The following CCDC77 variants were observed in gnomAD, a reference collection of about 807,000 sequenced individuals.
CCDC77 encodes coiled-coil domain-containing protein 77.
In CCDC77, 56 loss-of-function variants were observed where a neutral mutation model predicts 66.8. The observed-to-expected ratio is 0.84, with a 90% confidence interval of 0.68 to 1.05. The LOEUF is 1.05. CCDC77 is among the 50% of genes least tolerant of loss of function. The pLI is 0.00. For missense variants in CCDC77, 570 were observed against 576.8 expected, an observed-to-expected ratio of 0.99 and a Z score of 0.12; for synonymous variants, 196 against 195.2, an observed-to-expected ratio of 1.00 and a Z score of -0.03.
At chr12:416,258 A>C (rs1257778547) in intron 4 of CCDC77, among the ~76,000 whole-genome samples, 1 of 147,506 alleles carries the variant, frequency 6.8e-6, no homozygotes, top group Non-Finnish European at 1.5e-5. Context: ...AATTATTTTT[A>C]ATGACCTTGC....
intron 1 of CCDC77, among the ~76,000 whole-genome samples, chr12:405,169 G>T (rs1312853532): frequency 6.6e-6 from 1 of 152,224 alleles, no homozygotes; most frequent in African/African-American, 2.4e-5. Flanking sequence ...AAAACATTAT[G>T]CTAAGTGAAA....
At chr12:429,974 T>C (rs1565575134) in intron 6 of CCDC77, among the ~76,000 whole-genome samples, 1 of 152,006 alleles carries the variant, frequency 6.6e-6, no homozygotes, top group African/African-American at 2.4e-5. Context: ...AGCCCTGCAA[T>C]TTTGTTTATT....
chr12:437,936 A>T (rs1241431351), intron 9 of CCDC77, among the ~76,000 whole-genome samples: 1 of 152,210 alleles, frequency 6.6e-6, no homozygotes, highest in Non-Finnish European at 1.5e-5. Context: ...GCATACACAA[A>T]AGCAAAGCTG....
intron 3 of CCDC77, among the ~76,000 whole-genome samples, chr12:410,793 G>A (rs186442403): frequency 7.8e-4 from 118 of 151,644 alleles, no homozygotes; most frequent in Non-Finnish European, 1.4e-3. Flanking sequence ...TAATTTGCCC[G>A]CCTTGGCCTC....
chr12:403,151 A>G (rs948077689), intron 1 of CCDC77, among the ~76,000 whole-genome samples: 1 of 152,230 alleles, frequency 6.6e-6, no homozygotes, highest in Non-Finnish European at 1.5e-5. Flanking sequence ...ACTGTATGCC[A>G]TGTAGTGTTT....
At chr12:400,804 T>C (rs1283364451), upstream of CCDC77, among the ~76,000 whole-genome samples, 2 of 152,178 alleles carry the variant, frequency 1.3e-5, no homozygotes, top group East Asian at 3.8e-4. Context: ...CAGAGACACA[T>C]AGTAAGCCTG....
At chr12:393,824 G>A (rs117576673) in intron 1 of CCDC77, among the ~76,000 whole-genome samples, 1,649 of 152,228 alleles carry the variant, frequency 0.011, 15 homozygotes, top group Middle Eastern at 0.031. Context: ...GAGCCACTGC[G>A]TCCAGCCAAT....
chr12:422,685 A>T (rs552297150), intron 5 of CCDC77, among the ~76,000 whole-genome samples: 6 of 152,354 alleles, frequency 3.9e-5, no homozygotes, highest in African/African-American at 1.2e-4. Flanking sequence ...AGCTCAGCTC[A>T]CTGTAACCTC....
chr12:398,160 G>C (rs1453155859), upstream of CCDC77, among the ~76,000 whole-genome samples: 2 of 152,098 alleles, frequency 1.3e-5, no homozygotes, highest in Non-Finnish European at 2.9e-5. Flanking sequence ...TTCCTTTCAT[G>C]AAAGATTTCT....
intron 4 of CCDC77, 113 bp from the exon 5 acceptor site, chr12:418,381 C>A (rs1383996669): frequency 1.1e-5 from 12 of 1,090,476 alleles, no homozygotes; most frequent in South Asian, 3.0e-5. Context: ...TCTGTATTGG[C>A]AAAATTATTT....
rs760089922 is a variant in CCDC77, at chr12:418,554, C to CTT, written c.332_333insTT (p.Ser112Ter). 6.2e-7 allele frequency: 1 copy of CTT among 1,613,916 alleles called. No individual in the cohort carries two copies. The highest frequency in any genetic ancestry group is 8.5e-7 in the Non-Finnish European group (1 of 1,179,822). ...AGAGATTGCTGAATTGCAGAAAGCT[C>CTT]TAAGTGATATGCAGGTCTGCCTCTT... On this transcript the variant is annotated frameshift_variant, in exon 5 of 13. Transcript: ENST00000239830. LOFTEE classifies it high-confidence loss of function.
At chr12:405,313 GT>G (rs936488167) in intron 1 of CCDC77, among the ~76,000 whole-genome samples, 197 bp from the exon 2 acceptor site, 1 of 152,152 alleles carries the variant, frequency 6.6e-6, no homozygotes, top group Non-Finnish European at 1.5e-5. Flanking sequence ...AGGACACAGG[GT>G]TTTTTTCTTG....
At chr12:441,708 A>G in intron 12 of CCDC77, 66 bp from the exon 13 acceptor site, 1 of 1,539,778 alleles carries the variant, frequency 6.5e-7, no homozygotes, top group Non-Finnish European at 8.8e-7. Flanking sequence ...TGTCTTTTTG[A>G]CTGATATCGC....
chr12:433,209 C>A lies in CCDC77; in HGVS notation c.708C>A (p.Thr236=). The change falls in exon 9 of 13, where the codon ACC becomes ACA. Residue 236 remains threonine, a synonymous_variant. Coordinates refer to ENST00000239830, the MANE Select transcript of CCDC77 (RefSeq NM_032358.4). ...EALQAQLGEQ[T]KLSREQIEGL... Reference sequence around the variant, plus strand: ...TGCAGGCTCAGCTGGGAGAGCAGACCAAACTTTCTCGAGAACAAATTGAAG... The same window carrying A: ...TGCAGGCTCAGCTGGGAGAGCAGACAAAACTTTCTCGAGAACAAATTGAAG... The A allele has an allele frequency of 6.2e-7, 1 of 1,613,854 alleles. No individual in the cohort carries two copies. The highest frequency in any genetic ancestry group is 1.1e-5 in the South Asian group (1 of 91,054).
intron 1 of CCDC77, among the ~76,000 whole-genome samples, chr12:391,520 A>C (rs1160999923): frequency 2.0e-5 from 3 of 152,204 alleles, no homozygotes; most frequent in African/African-American, 7.2e-5. Context: ...AAACTATATT[A>C]TTCGGAAAAA....
intron 9 of CCDC77, among the ~76,000 whole-genome samples, chr12:436,280 G>C (rs1056875808): frequency 6.6e-6 from 1 of 151,492 alleles, no homozygotes; most frequent in Admixed American, 6.6e-5. Flanking sequence ...ACCACGCCCG[G>C]CTAATTTTTT....
chr12:436,115 C>CTT (rs1181059309), intron 9 of CCDC77, among the ~76,000 whole-genome samples: 1,819 of 106,136 alleles, frequency 0.017, 163 homozygotes, highest in East Asian at 0.14. Flanking sequence ...GATCCTTTGT[C>CTT]TTTTTTTTTT....
intron 5 of CCDC77, among the ~76,000 whole-genome samples, chr12:424,593 T>TGCTA (rs1411748880): frequency 1.3e-5 from 2 of 152,098 alleles, no homozygotes; most frequent in Non-Finnish European, 2.9e-5. Context: ...CCTCCCAAAG[T>TGCTA]GCTAGGATTA....
chr12:401,158 A>C (rs1024223793), upstream of CCDC77, among the ~76,000 whole-genome samples: 1 of 152,270 alleles, frequency 6.6e-6, no homozygotes, highest in Non-Finnish European at 1.5e-5. Flanking sequence ...AACAAATAGT[A>C]GAATTTTAAT....
Sources: gnomAD v4.1 joint callset for allele counts (sites outside exome capture counted in the v4.1 genomes callset) on GRCh38, gnomAD v4.1.1 for gene constraint, MANE v1.5 for transcripts, NCBI Gene and HGNC (gene_info 2026-07-23, HGNC 2026-07-21) for gene names.